The following GDF1 variants were observed in gnomAD, a reference collection of about 807,000 sequenced individuals.
GDF1 encodes growth differentiation factor 1.
In GDF1, 8 loss-of-function variants were observed where a neutral mutation model predicts 7.4. The observed-to-expected ratio is 1.09, with a 90% CI of 0.64 to 1.96. The LOEUF (loss-of-function observed/expected upper bound fraction) is 1.96, where lower values mean the gene tolerates loss of function less well. Ranked by LOEUF, GDF1 falls within the 30% of genes most tolerant of loss-of-function variation. The pLI, the probability that GDF1 is intolerant of heterozygous loss-of-function variation, is 0.00. For missense variants in GDF1, 574 were observed against 551.5 expected (o/e 1.04, Z -0.41); for synonymous variants, 311 against 276.7 (o/e 1.12, Z -1.23).
At chr19:18,887,103 C>G (rs577404389) in intron 2 of GDF1, among the ~76,000 whole-genome samples, 4 of 152,172 alleles carry the variant, frequency 2.6e-5, no homozygotes, top group Non-Finnish European at 4.4e-5. Context: ...AGACACAACC[C>G]GAATGTGCAT....
intron 6 of GDF1, among the ~76,000 whole-genome samples, chr19:18,875,844 T>A (rs2056051486): frequency 6.6e-6 from 1 of 152,092 alleles, no homozygotes; most frequent in Non-Finnish European, 1.5e-5. Context: ...AATGCAGCCA[T>A]AAAACAAGAA....
intron 2 of GDF1, among the ~76,000 whole-genome samples, chr19:18,892,658 G>A (rs903505040): frequency 2.0e-5 from 3 of 152,060 alleles, no homozygotes; most frequent in African/African-American, 7.2e-5. Flanking sequence ...TCAAGCTGCT[G>A]CCTCAGCTCT....
At position 18,868,901 on chromosome 19, in the gene GDF1, A is replaced by C. The variant is rs1439882613; in HGVS notation, c.815T>G (p.Leu272Arg). ...GPGGACRARRLYVSFREVGWH... is the reference protein window; with the variant it reads ...GPGGACRARRRYVSFREVGWH... ...GCCCACCTCGCGGAAGCTCACGTAC[A>C]GCCGCCGCGCGCGACAAGCGCCCCC... Residue 272 changes from leucine (L) to arginine (R), a missense_variant, in exon 8 of 8, where the codon CTG (leucine) becomes CGG (arginine). Leu to Arg is a moderately radical substitution (Grantham distance 102, BLOSUM62 -2). Transcript: ENST00000247005. 1 of 1,396,908 alleles carries C rather than the reference A, an allele frequency of 7.2e-7. No homozygotes were observed. Among genetic ancestry groups the C allele is most frequent in the East Asian group, 3.7e-5 (1 of 26,676 alleles). 86.5% of individuals were successfully genotyped at this position (1,396,908 alleles called of 1,614,324 possible). A position where few individuals can be genotyped will look rare whatever the true frequency, so the allele number is the denominator to read the frequency against.
rs2145990111 is a variant in GDF1, at chr19:18,870,435, G to T, written c.-128C>A. On this transcript the variant is annotated 5_prime_UTR_variant, in exon 7 of 8. The change creates a new upstream start codon in the 5' untranslated region. Transcript: ENST00000247005. The surrounding 1 kb of genome is among the most constrained non-coding windows in gnomAD (Gnocchi z 5.1). ...GGGGCGTGGCCGGGAACTGGAGGCA[G>T]GATGAGGGGGCGGGGTCCCAGGGGA... 1.0e-6 allele frequency: 1 copy of T among 977,590 alleles called. No homozygotes were observed. The allele number at this position is 977,590 out of a possible 1,614,324, so 60.6% of individuals were successfully genotyped here.
Position 18,893,423 on chromosome 19 carries a change from G to A in GDF1, c.-921C>T, listed in dbSNP as rs1203214467. On this transcript the variant is annotated 5_prime_UTR_variant, in exon 2 of 8. Transcript: ENST00000247005. The stretch of plus-strand genomic sequence containing the variant: ...TCCCCTCAGGGCCCCTACCGTAGAA[G>A]ACAGATGGTGGGTCATGGAAGAAGG... The A allele has an allele frequency of 3.7e-6, 6 of 1,603,626 alleles. No homozygotes were observed. Among genetic ancestry groups the A allele is most frequent in the Non-Finnish European group, 5.1e-6 (6 of 1,175,604 alleles).
intron 4 of GDF1, 57 bp downstream of exon 4, chr19:18,880,217 C>G (rs2056169143): frequency 6.8e-7 from 1 of 1,478,954 alleles, no homozygotes. Context: ...CTTTTCTGGA[C>G]ACACCCACCT....
chr19:18,894,845 C>G (rs1051004572), intron 1 of GDF1, among the ~76,000 whole-genome samples: 1 of 152,128 alleles, frequency 6.6e-6, no homozygotes, highest in African/African-American at 2.4e-5. Context: ...GAGAAAGGCC[C>G]CTTTGTTGGC....
intron 6 of GDF1, among the ~76,000 whole-genome samples, chr19:18,873,666 T>C (rs1216562819): frequency 6.6e-6 from 1 of 151,156 alleles, no homozygotes; most frequent in Non-Finnish European, 1.5e-5. Flanking sequence ...TTGTGAAACC[T>C]CATCTCTACT....
chr19:18,870,258 A>G lies in GDF1; in HGVS notation c.50T>C (p.Leu17Pro), dbSNP rs1318610564. The G allele has an allele frequency of 1.3e-6, 2 of 1,517,506 alleles. No homozygotes were observed. Among genetic ancestry groups the G allele is most frequent in the Admixed American group, 2.0e-5 (1 of 50,070 alleles). The allele number at this position is 1,517,506 out of a possible 1,614,324, so 94.0% of individuals were successfully genotyped here. ...GPCGHHLLLL[L>P]ALLLPSLPLT... The stretch of plus-strand genomic sequence containing the variant: ...GGGCAGCGAGGGCAGCAGCAGGGCC[A>G]GGAGGAGGAGGAGGTGGTGGCCGCA... The change falls in exon 7 of 8, where the codon CTG becomes CCG. Residue 17 changes from leucine to proline, a missense_variant. By Grantham distance (98) the Leu-to-Pro change is moderately conservative. Transcript: ENST00000247005. This position sits in a 1 kb window ranked among gnomAD's most constrained non-coding sequence, Gnocchi z 5.1.
At chr19:18,871,500 G>T (rs953940673) in intron 6 of GDF1, among the ~76,000 whole-genome samples, 1 of 152,144 alleles carries the variant, frequency 6.6e-6, no homozygotes, top group Non-Finnish European at 1.5e-5. Flanking sequence ...GGGATTACAG[G>T]CGTGAGCCAC....
chr19:18,885,025 T>G (rs765286092), intron 2 of GDF1, among the ~76,000 whole-genome samples: 1 of 151,914 alleles, frequency 6.6e-6, no homozygotes, highest in Non-Finnish European at 1.5e-5. Context: ...CAGCAGGGAT[T>G]TTTATTTTAG....
Position 18,878,688 on chromosome 19 carries a change from C to T in GDF1, c.-313+242G>A. 7.4e-7 allele frequency: 1 copy of T among 1,350,656 alleles called. No individual in the cohort carries two copies. The highest frequency in any genetic ancestry group is 9.6e-7 in the Non-Finnish European group (1 of 1,046,364). 83.7% of individuals were successfully genotyped at this position (1,350,656 alleles called of 1,614,324 possible). A position where few individuals can be genotyped will look rare whatever the true frequency, so the allele number is the denominator to read the frequency against. On this transcript the variant is annotated intron_variant, in intron 6 of 7. Transcript: ENST00000247005. The surrounding 1 kb of genome is among the most constrained non-coding windows in gnomAD (Gnocchi z 4.6). Reference sequence around the variant, plus strand: ...GCCCTCAGTGTCCCTACCGCTGAGACCCTGCCTGTCGCCCTGCCTGCCCCT... The same window carrying T: ...GCCCTCAGTGTCCCTACCGCTGAGATCCTGCCTGTCGCCCTGCCTGCCCCT...
In GDF1 at chr19:18,893,458, T is replaced by C. The variant is rs1410715415; in HGVS notation, c.-956A>G. ...GGGTCATGGAAGAAGGGGTAGTCGG[T>C]GCCAAACAGCAGGTAGGCACTGTAG... On this transcript the variant is annotated 5_prime_UTR_variant, in exon 2 of 8. Transcript: ENST00000247005. 3 of 1,606,426 alleles carry C rather than the reference T, an allele frequency of 1.9e-6. No homozygotes were observed. Among genetic ancestry groups the C allele is most frequent in the Non-Finnish European group, 2.5e-6 (3 of 1,176,806 alleles).
At position 18,878,326 on chromosome 19, in the gene GDF1, G is replaced by A. The variant is rs2056103275; in HGVS notation, c.-313+604C>T. ...TGCCTGCCCCAGGCCTGGGGCTTCGGACACCATCTGGCTGTCACCCAGGGC... is the reference window on the plus strand; with the variant it reads ...TGCCTGCCCCAGGCCTGGGGCTTCGAACACCATCTGGCTGTCACCCAGGGC... On this transcript the variant is annotated intron_variant, in intron 6 of 7. Coordinates refer to ENST00000247005, the MANE Select transcript of GDF1 (RefSeq NM_001492.6). This position sits in a 1 kb window ranked among gnomAD's most constrained non-coding sequence, Gnocchi z 4.6. The A allele has an allele frequency of 3.0e-6, 3 of 984,524 alleles. No individual in the cohort carries two copies. Among genetic ancestry groups the A allele is most frequent in the Non-Finnish European group, 3.6e-6 (3 of 829,960 alleles). 61.0% of individuals were successfully genotyped at this position (984,524 alleles called of 1,614,324 possible).
chr19:18,893,306 C>G, intron 2 of GDF1, 110 bp downstream of exon 2: 1 of 1,293,028 alleles, frequency 7.7e-7, no homozygotes, highest in Non-Finnish European at 1.1e-6. Flanking sequence ...CCTCCAACTC[C>G]TGGGCTCCAG....
Position 18,870,232 on chromosome 19 carries a change from G to GGGGCAGCGA in GDF1, c.67_75dup (p.Ser23_Pro25dup), listed in dbSNP as rs1482830078. 1 of 1,554,130 alleles carries GGGGCAGCGA rather than the reference G, an allele frequency of 6.4e-7. No homozygotes were observed. The highest frequency in any genetic ancestry group is 1.9e-5 in the Admixed American group (1 of 51,444). ...CCTGGGGGCACGGGGGCGCGGGTCA[G>GGGGCAGCGA]GGGCAGCGAGGGCAGCAGCAGGGCC... On this transcript the variant is annotated inframe_insertion, in exon 7 of 8. Transcript: ENST00000247005. This position sits in a 1 kb window ranked among gnomAD's most constrained non-coding sequence, Gnocchi z 5.1.
intron 1 of GDF1, among the ~76,000 whole-genome samples, chr19:18,894,760 C>T (rs981318532): frequency 3.3e-5 from 5 of 152,068 alleles, no homozygotes; most frequent in Non-Finnish European, 5.9e-5. Flanking sequence ...GATATGGGGA[C>T]GGGAGTGGGG....
chr19:18,888,465 C>T (rs948372121), intron 2 of GDF1, among the ~76,000 whole-genome samples: 1 of 141,086 alleles, frequency 7.1e-6, no homozygotes, highest in Non-Finnish European at 1.5e-5. Context: ...TTCCAGTGAG[C>T]TGAGATCACA....
intron 3 of GDF1, chr19:18,881,618 CGTGGGGAA>C (rs1209161268): frequency 6.6e-6 from 1 of 152,194 alleles, no homozygotes; most frequent in Non-Finnish European, 1.5e-5. Context: ...TCACCCTGGA[CGTGGGGAA>C]GTGTCTCTCA....
Sources: allele counts gnomAD v4.1 joint callset (sites outside exome capture counted in the v4.1 genomes callset), GRCh38; gene constraint gnomAD v4.1.1; non-coding constraint Gnocchi (gnomAD v3.1); transcripts MANE v1.5; gene names NCBI Gene and HGNC (gene_info 2026-07-23, HGNC 2026-07-21).